The following DCC variants were observed in gnomAD, a reference collection of about 807,000 sequenced individuals.
DCC encodes netrin receptor DCC.
In DCC, 58 loss-of-function variants were observed where a neutral mutation model predicts 172.5. The observed-to-expected ratio is 0.34, with a 90% CI of 0.27 to 0.42. DCC has a LOEUF of 0.42. DCC is among the 10% of genes least tolerant of loss of function. The pLI is 1.00. For missense variants in DCC, 1,740 were observed against 1,791.0 expected (o/e 0.97, Z 0.51); for synonymous variants, 709 against 644.5 (o/e 1.10, Z -1.52).
intron 1 of DCC, among the ~76,000 whole-genome samples, chr18:52,601,193 A>T (rs2034010578): frequency 6.6e-6 from 1 of 152,038 alleles, no homozygotes; most frequent in African/African-American, 2.4e-5. Context: ...ACTCTCTATA[A>T]ATTCAGAGAG....
At chr18:52,659,155 C>T (rs1414923690) in intron 1 of DCC, among the ~76,000 whole-genome samples, 1 of 152,074 alleles carries the variant, frequency 6.6e-6, no homozygotes, top group Non-Finnish European at 1.5e-5. Flanking sequence ...AAAGCAGAAA[C>T]AGATGGAACT....
At chr18:52,602,172 G>T (rs956304807) in intron 1 of DCC, among the ~76,000 whole-genome samples, 1 of 152,002 alleles carries the variant, frequency 6.6e-6, no homozygotes, top group African/African-American at 2.4e-5. Context: ...GCACAAATGT[G>T]TTTACTTGAA....
At chr18:52,919,860 A>T (rs1299817532) in intron 3 of DCC, among the ~76,000 whole-genome samples, 1 of 152,074 alleles carries the variant, frequency 6.6e-6, no homozygotes, top group Non-Finnish European at 1.5e-5. Context: ...CAGTCAAGAT[A>T]GTGTGGTATT....
intron 1 of DCC, among the ~76,000 whole-genome samples, chr18:52,500,419 A>G (rs995940618): frequency 2.6e-5 from 4 of 152,182 alleles, no homozygotes; most frequent in African/African-American, 7.2e-5. Context: ...TGGACTTATC[A>G]TGTGTGGAAT....
rs1983607123 is a variant in DCC at position 52,341,010 on chromosome 18, C to A, written c.91+132C>A. 3 of 779,446 alleles carry A rather than the reference C, an allele frequency of 3.8e-6. No individual in the cohort carries two copies. In the South Asian group the frequency reaches 4.2e-5, roughly 11 times the overall value. The allele number at this position is 779,446 out of a possible 1,614,324, so 48.3% of individuals were successfully genotyped here. On this transcript the variant is annotated intron_variant, in intron 1 of 28. Transcript: ENST00000442544. ...TTGGCGCTTGCGCTGCCCCCATTTGCGCACCGATGATAAAAGATAGAAGAG... is the reference window on the plus strand; with the variant it reads ...TTGGCGCTTGCGCTGCCCCCATTTGAGCACCGATGATAAAAGATAGAAGAG...
chr18:53,260,139 T>C (rs1305732038), intron 12 of DCC, among the ~76,000 whole-genome samples: 1 of 152,212 alleles, frequency 6.6e-6, no homozygotes, highest in Non-Finnish European at 1.5e-5. Context: ...TTCTTTGCCA[T>C]GGGTTCGAAC....
chr18:53,421,244 G>C (rs11877754), intron 21 of DCC, among the ~76,000 whole-genome samples: 65,612 of 151,984 alleles, frequency 0.43, 15,973 homozygotes, highest in Non-Finnish European at 0.56. Flanking sequence ...TTCTTAGCAT[G>C]AGCAGAAATG....
intron 1 of DCC, among the ~76,000 whole-genome samples, chr18:52,355,428 A>T (rs1984318429): frequency 6.6e-6 from 1 of 152,178 alleles, no homozygotes; most frequent in South Asian, 2.1e-4. Flanking sequence ...CTCTACCAAG[A>T]TGTAGCTGTG....
intron 19 of DCC, among the ~76,000 whole-genome samples, chr18:53,407,391 T>A (rs543991570): frequency 6.6e-6 from 1 of 151,150 alleles, no homozygotes; most frequent in East Asian, 1.9e-4. Context: ...ATATGGCTCC[T>A]GAACTAAAGA....
intron 7 of DCC, among the ~76,000 whole-genome samples, chr18:53,096,036 C>T (rs2043082959): frequency 6.6e-6 from 1 of 151,966 alleles, no homozygotes; most frequent in Non-Finnish European, 1.5e-5. Flanking sequence ...TGACAAGACC[C>T]TGAGATATAC....
chr18:52,428,354 T>A (rs1383975128), intron 1 of DCC, among the ~76,000 whole-genome samples: 1 of 152,080 alleles, frequency 6.6e-6, no homozygotes, highest in Non-Finnish European at 1.5e-5. Context: ...ACAAGAAAAG[T>A]AGAAAGAAAT....
At chr18:52,820,302 G>GA (rs1166659641) in intron 2 of DCC, among the ~76,000 whole-genome samples, 1 of 152,142 alleles carries the variant, frequency 6.6e-6, no homozygotes, top group Admixed American at 6.5e-5. Context: ...TCCTCAAAAA[G>GA]AAAAAACGAT....
chr18:53,244,261 G>C (rs934277319), intron 12 of DCC, among the ~76,000 whole-genome samples: 1 of 152,122 alleles, frequency 6.6e-6, no homozygotes, highest in Non-Finnish European at 1.5e-5. Flanking sequence ...CAGAAGGGAT[G>C]ATGCTCTACT....
chr18:52,922,140 G>A (rs1340001374), intron 3 of DCC, among the ~76,000 whole-genome samples: 1 of 152,108 alleles, frequency 6.6e-6, no homozygotes, highest in Admixed American at 6.6e-5. Flanking sequence ...ATATAATAAA[G>A]ATGAACACAT....
chr18:52,643,279 A>G (rs1176326054), intron 1 of DCC, among the ~76,000 whole-genome samples: 2 of 152,170 alleles, frequency 1.3e-5, no homozygotes, highest in Non-Finnish European at 2.9e-5. Context: ...CTGTTGACCT[A>G]GTTTCCACAG....
At chr18:52,868,878 G>A (rs921792489) in intron 2 of DCC, among the ~76,000 whole-genome samples, 1 of 152,216 alleles carries the variant, frequency 6.6e-6, no homozygotes, top group Admixed American at 6.5e-5. Context: ...CATGGGGCAG[G>A]AAGCTCCAGG....
chr18:52,830,365 T>C (rs111633238), intron 2 of DCC, among the ~76,000 whole-genome samples: 2,160 of 152,306 alleles, frequency 0.014, 27 homozygotes, highest in Non-Finnish European at 0.024. Context: ...TCTAGTGTGT[T>C]CCAATGAAGC....
At chr18:53,422,808 G>A (rs1299015068) in intron 21 of DCC, among the ~76,000 whole-genome samples, 2 of 152,032 alleles carry the variant, frequency 1.3e-5, no homozygotes, top group African/African-American at 4.8e-5. Flanking sequence ...CCTTCTGATG[G>A]GAGCTGTTTA....
At chr18:53,059,498 T>C (rs1599081658) in intron 5 of DCC, among the ~76,000 whole-genome samples, 1 of 152,116 alleles carries the variant, frequency 6.6e-6, no homozygotes, top group Admixed American at 6.6e-5. Flanking sequence ...TAATTCCTAA[T>C]CCAACCCAAG....
Sources: allele counts gnomAD v4.1 joint callset (sites outside exome capture counted in the v4.1 genomes callset), GRCh38; gene constraint gnomAD v4.1.1; transcripts MANE v1.5; gene names NCBI Gene and HGNC (gene_info 2026-07-23, HGNC 2026-07-21).